Variants in ASTN2 observed in about 807,000 individuals in gnomAD.
ASTN2 encodes the protein astrotactin-2.
Under a neutral mutation model 139.8 loss-of-function variants are expected in ASTN2, and 54 were observed. The observed-to-expected ratio is 0.39, with a 90% confidence interval of 0.31 to 0.48. The LOEUF is 0.48. Among genes scored for constraint, ASTN2 ranks in the 20% least tolerant of loss-of-function variants. ASTN2 has a pLI of 0.95. For missense variants in ASTN2, 1,565 were observed against 1,725.1 expected (o/e 0.91, Z 1.64); for synonymous variants, 756 against 719.5 (o/e 1.05, Z -0.81).
At chr9:116,626,154 GTTTTTTTTTTTTTTTTTTTT>G (rs751026997) in intron 17 of ASTN2, among the ~76,000 whole-genome samples, 1 of 34,414 alleles carries the variant, frequency 2.9e-5, no homozygotes, top group Non-Finnish European at 5.6e-5. Context: ...TAGTTTTTGT[GTTTTTTTTTTTTTTTTTTTT>G]TTTTTTTTTT....
In ASTN2 at chr9:116,699,712, G is replaced by A. The variant is rs1861079010; in HGVS notation, c.2806+26059C>T. ...AGATATTCCACCCCATAGGGGATGA[G>A]AAATTATCAGTTTCTTCTGCTCCCA... On this transcript the variant is annotated intron_variant, in intron 16 of 22. Transcript: ENST00000313400. This position sits in a 1 kb window ranked among gnomAD's most constrained non-coding sequence, Gnocchi z 4.2. 1 of 1,614,094 alleles carries A rather than the reference G, an allele frequency of 6.2e-7. No individual in the cohort carries two copies. The highest frequency in any genetic ancestry group is 1.1e-5 in the South Asian group (1 of 91,078).
At chr9:116,511,257 T>C (rs1850364031) in intron 19 of ASTN2, among the ~76,000 whole-genome samples, 1 of 152,254 alleles carries the variant, frequency 6.6e-6, no homozygotes, top group South Asian at 2.1e-4. Flanking sequence ...TCTATTGAGA[T>C]AATCATGTGA....
chr9:117,217,140 T>C (rs1832349204), intron 2 of ASTN2, among the ~76,000 whole-genome samples: 1 of 152,028 alleles, frequency 6.6e-6, no homozygotes, highest in Non-Finnish European at 1.5e-5. Context: ...GGAGGAAAGA[T>C]GGTGAGGGTG....
At chr9:116,984,376 C>T (rs901630635) in intron 7 of ASTN2, among the ~76,000 whole-genome samples, 2 of 152,230 alleles carry the variant, frequency 1.3e-5, no homozygotes, top group Non-Finnish European at 2.9e-5. Flanking sequence ...AGTCACATAT[C>T]CCAGTCAAAG....
At chr9:116,469,800 C>T (rs903014230) in intron 20 of ASTN2, among the ~76,000 whole-genome samples, 1 of 152,058 alleles carries the variant, frequency 6.6e-6, no homozygotes, top group African/African-American at 2.4e-5. Flanking sequence ...TAACAGGGAA[C>T]GTTAATACAC....
chr9:117,408,062 G>T (rs1328312533), intron 1 of ASTN2, among the ~76,000 whole-genome samples: 4 of 152,108 alleles, frequency 2.6e-5, no homozygotes, highest in African/African-American at 9.7e-5. Context: ...ATCAGCCCAG[G>T]TGCTTAGGAT....
At chr9:116,834,099 G>T (rs898434095) in intron 11 of ASTN2, among the ~76,000 whole-genome samples, 6 of 152,218 alleles carry the variant, frequency 3.9e-5, no homozygotes, top group Admixed American at 2.0e-4. Context: ...GCTGCTGAAG[G>T]CAGCTGTTAT....
At chr9:116,680,562 AC>A (rs1210479525) in intron 16 of ASTN2, among the ~76,000 whole-genome samples, 6 of 152,186 alleles carry the variant, frequency 3.9e-5, no homozygotes, top group Non-Finnish European at 5.9e-5. Context: ...CCGGGCAGAG[AC>A]ACAACCAAAA....
chr9:116,453,846 T>C (rs1848249207), intron 20 of ASTN2, among the ~76,000 whole-genome samples: 1 of 152,160 alleles, frequency 6.6e-6, no homozygotes, highest in African/African-American at 2.4e-5. Flanking sequence ...GCCATGTTTG[T>C]GAGCTTCAGT....
intron 7 of ASTN2, among the ~76,000 whole-genome samples, chr9:117,002,821 C>G (rs765083592): frequency 6.6e-6 from 1 of 152,182 alleles, no homozygotes; most frequent in East Asian, 1.9e-4. Context: ...TAGTTCCAGA[C>G]AAGGAAAGAA....
At chr9:116,500,592 T>C (rs576081186) in intron 19 of ASTN2, among the ~76,000 whole-genome samples, 77 of 152,290 alleles carry the variant, frequency 5.1e-4, no homozygotes, top group Non-Finnish European at 8.7e-4. Context: ...AAATCTCCTT[T>C]GAGAGGGAAA....
chr9:116,743,302 G>C (rs1829142815), intron 13 of ASTN2, among the ~76,000 whole-genome samples: 2 of 152,156 alleles, frequency 1.3e-5, no homozygotes, highest in Non-Finnish European at 2.9e-5. Flanking sequence ...TGTAATCCCA[G>C]CACTTTGGGA....
intron 19 of ASTN2, among the ~76,000 whole-genome samples, chr9:116,519,343 C>A (rs909573930): frequency 6.6e-6 from 1 of 151,558 alleles, no homozygotes; most frequent in Non-Finnish European, 1.5e-5. Flanking sequence ...TGAAAATCAA[C>A]TCCAAAAAAA....
intron 20 of ASTN2, among the ~76,000 whole-genome samples, chr9:116,452,155 A>T (rs533836724): frequency 3.9e-5 from 6 of 152,360 alleles, no homozygotes; most frequent in Non-Finnish European, 8.8e-5. Flanking sequence ...AATTGAACAC[A>T]GAATGCCCAA....
chr9:117,194,498 T>C (rs7862289), intron 3 of ASTN2, among the ~76,000 whole-genome samples: 2,712 of 152,322 alleles, frequency 0.018, 71 homozygotes, highest in African/African-American at 0.062. Flanking sequence ...TGTGTATTAT[T>C]TTGCAAAACT....
intron 19 of ASTN2, among the ~76,000 whole-genome samples, chr9:116,495,030 T>C (rs1849626789): frequency 6.6e-6 from 1 of 152,148 alleles, no homozygotes; most frequent in Non-Finnish European, 1.5e-5. Flanking sequence ...ATTAGAACTC[T>C]CTCTTGGGAT....
intron 11 of ASTN2, among the ~76,000 whole-genome samples, chr9:116,836,106 G>T (rs1327671835): frequency 1.9e-4 from 29 of 152,146 alleles, no homozygotes; most frequent in Non-Finnish European, 2.1e-4. Flanking sequence ...GCTGGATGAG[G>T]TAGGAATTCA....
chr9:117,162,226 C>T (rs1452114119), intron 3 of ASTN2, among the ~76,000 whole-genome samples: 1 of 151,970 alleles, frequency 6.6e-6, no homozygotes, highest in Non-Finnish European at 1.5e-5. Flanking sequence ...TTTTGGGAAA[C>T]AGCATTATTG....
intron 19 of ASTN2, among the ~76,000 whole-genome samples, chr9:116,570,373 T>C (rs536375593): frequency 6.6e-6 from 1 of 150,670 alleles, no homozygotes; most frequent in Admixed American, 6.6e-5. Flanking sequence ...TCTACAGGTT[T>C]TAACATGAGG....
Sources: allele counts gnomAD v4.1 joint callset (sites outside exome capture counted in the v4.1 genomes callset), GRCh38; gene constraint gnomAD v4.1.1; non-coding constraint Gnocchi (gnomAD v3.1); transcripts MANE v1.5; gene names NCBI Gene and HGNC (gene_info 2026-07-23, HGNC 2026-07-21).